The following DGKD variants were observed in gnomAD, a reference collection of about 807,000 sequenced individuals.
DGKD encodes diacylglycerol kinase delta, also known as DAG kinase delta.
In DGKD, 68 loss-of-function variants were observed where a neutral mutation model predicts 154.4. The ratio of observed to expected loss-of-function variants is 0.44; its 90% CI spans 0.36 to 0.54. The LOEUF (loss-of-function observed/expected upper bound fraction) is 0.54, where lower values mean the gene tolerates loss of function less well. DGKD is among the 20% of genes least tolerant of loss of function. The pLI is 0.00. For synonymous variants in DGKD, 693 were observed against 638.0 expected, an observed-to-expected ratio of 1.09 and a Z score of -1.30; for missense variants, 1,343 against 1,593.6, an observed-to-expected ratio of 0.84 and a Z score of 2.68.
At chr2:233,407,088 A>G (rs2061705019) in intron 3 of DGKD, among the ~76,000 whole-genome samples, 1 of 152,338 alleles carries the variant, frequency 6.6e-6, no homozygotes, top group South Asian at 2.1e-4. Flanking sequence ...AAATGGGATA[A>G]TACTGGACTG....
At position 233,471,266 on chromosome 2, in the gene DGKD, C is replaced by T. The variant is rs1025627154; in HGVS notation, c.*1806C>T. ...GCTCTGTTGGTGGACTTAGCTGCCT[C>T]ACTGGAAGTGATGTGGGTGGAAGGT... On this transcript the variant is annotated 3_prime_UTR_variant, in exon 30 of 30. Coordinates refer to ENST00000264057, the MANE Select transcript of DGKD (RefSeq NM_152879.3). 3 of 152,436 alleles carry T rather than the reference C, an allele frequency of 2.0e-5. No homozygotes were observed. The highest frequency in any genetic ancestry group is 4.8e-5 in the African/African-American group (2 of 41,480). The allele number at this position is 152,436 out of a possible 1,614,324, so 9.4% of individuals were successfully genotyped here. A position where few individuals can be genotyped will look rare whatever the true frequency, so the allele number is the denominator to read the frequency against.
chr2:233,363,294 GTGTT>G (rs1701869273), intron 1 of DGKD, among the ~76,000 whole-genome samples: 1 of 150,968 alleles, frequency 6.6e-6, no homozygotes, highest in Non-Finnish European at 1.5e-5. Context: ...GCTAATGTGT[GTGTT>G]TGTTTCTTAG....
rs778363430 is a variant in DGKD at position 233,457,407 on chromosome 2, G to A, written c.2580+79G>A. ...GAGAGCAGGGGGGTGTTCTGCTGTGGCTGGGGTGGATCCAGCTCTTCTGTT... is the reference window on the plus strand; with the variant it reads ...GAGAGCAGGGGGGTGTTCTGCTGTGACTGGGGTGGATCCAGCTCTTCTGTT... On this transcript the variant is annotated intron_variant, in intron 21 of 29. Coordinates refer to ENST00000264057, the MANE Select transcript of DGKD (RefSeq NM_152879.3). The surrounding 1 kb of genome is among the most constrained non-coding windows in gnomAD (Gnocchi z 5.5). The A allele has an allele frequency of 3.7e-6, 4 of 1,087,922 alleles. No individual in the cohort carries two copies. In the African/African-American group the frequency reaches 6.2e-5, roughly 17 times the overall value. 67.4% of individuals were successfully genotyped at this position (1,087,922 alleles called of 1,614,324 possible). A position where few individuals can be genotyped will look rare whatever the true frequency, so the allele number is the denominator to read the frequency against.
At chr2:233,424,704 C>A (rs937244746) in intron 3 of DGKD, among the ~76,000 whole-genome samples, 2 of 152,220 alleles carry the variant, frequency 1.3e-5, no homozygotes, top group Non-Finnish European at 1.5e-5. Context: ...CTGGCCACAT[C>A]AGCTCATTTG....
chr2:233,398,834 G>A (rs1212054025), intron 3 of DGKD, among the ~76,000 whole-genome samples: 2 of 152,088 alleles, frequency 1.3e-5, no homozygotes, highest in Admixed American at 6.5e-5. Flanking sequence ...ATGTTGGCCA[G>A]GCTGGTCTTG....
At chr2:233,424,681 C>T (rs1358634580) in intron 3 of DGKD, among the ~76,000 whole-genome samples, 1 of 152,162 alleles carries the variant, frequency 6.6e-6, no homozygotes, top group African/African-American at 2.4e-5. Context: ...CTGGAGCCCC[C>T]CTGCCTGGTG....
At chr2:233,356,518 G>C (rs1175814482) in intron 1 of DGKD, among the ~76,000 whole-genome samples, 1 of 152,156 alleles carries the variant, frequency 6.6e-6, no homozygotes, top group Non-Finnish European at 1.5e-5. Flanking sequence ...TTACAAGGTT[G>C]ATTAAGATCA....
intron 2 of DGKD, among the ~76,000 whole-genome samples, chr2:233,389,713 G>GT (rs1703458361): frequency 6.6e-6 from 1 of 152,148 alleles, no homozygotes; most frequent in Non-Finnish European, 1.5e-5. Context: ...TAGAGCCATC[G>GT]TAGAATAGAG....
chr2:233,385,967 T>C (rs1420994262), intron 1 of DGKD: 1 of 470,944 alleles, frequency 2.1e-6, no homozygotes, highest in Non-Finnish European at 4.4e-6. Flanking sequence ...CAGACTCTCA[T>C]CCGCCCTCAG....
chr2:233,402,238 C>G (rs1206370051), intron 3 of DGKD, among the ~76,000 whole-genome samples: 3 of 152,204 alleles, frequency 2.0e-5, no homozygotes, highest in Non-Finnish European at 1.5e-5. Flanking sequence ...CTTGGCCATG[C>G]CCGAGCACCT....
In DGKD at chr2:233,354,758, C is replaced by T. The variant is rs1701461380; in HGVS notation, c.156+84C>T. On this transcript the variant is annotated intron_variant, in intron 1 of 29. Coordinates refer to ENST00000264057, the MANE Select transcript of DGKD (RefSeq NM_152879.3). The surrounding 1 kb of genome is among the most constrained non-coding windows in gnomAD (Gnocchi z 4.8). ...GAGGCCCGTGGCCCTGCCCGAGCGG[C>T]CGCCCAGGCCCGGCTCGGCCCGGCC... 24 of 821,626 alleles carry T rather than the reference C, an allele frequency of 2.9e-5. No individual in the cohort carries two copies. In the South Asian group the frequency reaches 1.3e-3, roughly 44 times the overall value. The allele number at this position is 821,626 out of a possible 1,614,324, so 50.9% of individuals were successfully genotyped here. A position where few individuals can be genotyped will look rare whatever the true frequency, so the allele number is the denominator to read the frequency against.
At chr2:233,439,277 A>G (rs1049945766) in intron 9 of DGKD, among the ~76,000 whole-genome samples, 1 of 152,148 alleles carries the variant, frequency 6.6e-6, no homozygotes, top group African/African-American at 2.4e-5. Context: ...GGGTCTGTGT[A>G]TTAGGAGCCA....
At chr2:233,410,332 G>A (rs185290134) in intron 3 of DGKD, among the ~76,000 whole-genome samples, 18 of 152,264 alleles carry the variant, frequency 1.2e-4, no homozygotes, top group Non-Finnish European at 1.3e-4. Context: ...GTCATTGACC[G>A]GGATCGCTTC....
chr2:233,408,933 T>G (rs2061752902), intron 3 of DGKD: 1 of 152,238 alleles, frequency 6.6e-6, no homozygotes, highest in South Asian at 2.1e-4. Flanking sequence ...CACCTGCTTC[T>G]GCAGCACAGC....
At chr2:233,380,680 G>GT (rs925559127) in intron 1 of DGKD, among the ~76,000 whole-genome samples, 1 of 151,672 alleles carries the variant, frequency 6.6e-6, no homozygotes, top group African/African-American at 2.4e-5. Flanking sequence ...GTGTGTGTGT[G>GT]GGGGGGTGTT....
intron 3 of DGKD, among the ~76,000 whole-genome samples, chr2:233,433,000 A>C (rs2062580330): frequency 6.6e-6 from 1 of 152,234 alleles, no homozygotes; most frequent in South Asian, 2.1e-4. Context: ...TAGGATTGTA[A>C]ATTAGCACAG....
intron 3 of DGKD, among the ~76,000 whole-genome samples, chr2:233,407,909 T>C (rs1253813742): frequency 6.6e-6 from 1 of 152,260 alleles, no homozygotes; most frequent in Non-Finnish European, 1.5e-5. Flanking sequence ...TGGTTAGGAC[T>C]GCTTCTTGGG....
chr2:233,434,240 T>C lies in DGKD; in HGVS notation c.349-140T>C, dbSNP rs1028425605. 2.7e-4 allele frequency: 168 copies of C among 621,786 alleles called. 1 individual carries two copies. The highest frequency in any genetic ancestry group is 4.1e-4 in the Non-Finnish European group (145 of 352,798). The allele number at this position is 621,786 out of a possible 1,614,324, so 38.5% of individuals were successfully genotyped here. A position where few individuals can be genotyped will look rare whatever the true frequency, so the allele number is the denominator to read the frequency against. On this transcript the variant is annotated intron_variant, in intron 3 of 29. Coordinates refer to ENST00000264057, the MANE Select transcript of DGKD (RefSeq NM_152879.3). Reference sequence around the variant, plus strand: ...AATTTTTAGTGATCCTTGATAACCATTTTTGTTTTCGGTTCAGTGTGAATA... The same window carrying C: ...AATTTTTAGTGATCCTTGATAACCACTTTTGTTTTCGGTTCAGTGTGAATA...
chr2:233,375,635 C>A (rs189193450), intron 1 of DGKD, among the ~76,000 whole-genome samples: 26 of 152,230 alleles, frequency 1.7e-4, no homozygotes, highest in Non-Finnish European at 2.5e-4. Context: ...GAGGCTGCCT[C>A]TAGTCCAGGC....
Sources: allele counts gnomAD v4.1 joint callset (sites outside exome capture counted in the v4.1 genomes callset), GRCh38; gene constraint gnomAD v4.1.1; non-coding constraint Gnocchi (gnomAD v3.1); transcripts MANE v1.5; gene names NCBI Gene and HGNC (gene_info 2026-07-23, HGNC 2026-07-21).